Variants in RANBP2 observed in about 807,000 individuals in gnomAD.
The protein encoded by RANBP2 is E3 SUMO-protein ligase RanBP2.
RANBP2 carries 57 observed loss-of-function variants against 303.6 expected under a neutral mutation model. That is an observed-to-expected ratio of 0.19 (90% CI 0.15 to 0.23). The LOEUF (loss-of-function observed/expected upper bound fraction) is 0.23, where lower values mean the gene tolerates loss of function less well. Among genes scored for constraint, RANBP2 ranks in the 10% least tolerant of loss-of-function variants. The pLI is 1.00. For synonymous variants in RANBP2, 1,167 were observed against 1,301.5 expected (o/e 0.90, Z 2.23); for missense variants, 3,138 against 3,780.8 (o/e 0.83, Z 4.46).
At chr2:108,978,971 A>G in the RANBP2 span, among the ~76,000 whole-genome samples, 1 of 152,260 alleles carries the variant, frequency 6.6e-6, no homozygotes, top group Non-Finnish European at 1.5e-5. Context: ...GAAAGTTCTC[A>G]GCAGGGGCAG....
the RANBP2 span, among the ~76,000 whole-genome samples, chr2:109,664,460 C>G: frequency 6.6e-6 from 1 of 151,276 alleles, no homozygotes; most frequent in East Asian, 1.9e-4. Flanking sequence ...AAAAATTAGT[C>G]TGGCATTGTG....
the RANBP2 span, among the ~76,000 whole-genome samples, chr2:109,111,595 C>CT: frequency 3.6e-4 from 50 of 138,112 alleles, no homozygotes; most frequent in Middle Eastern, 3.8e-3. Context: ...TTTTTCTTTT[C>CT]TTTTTTTTTT....
chr2:108,873,463 C>G, the RANBP2 span: 57 of 1,597,556 alleles, frequency 3.6e-5, no homozygotes, highest in Non-Finnish European at 4.3e-5. Context: ...TCCTTGCAGC[C>G]TTTCCTGGAA....
the RANBP2 span, among the ~76,000 whole-genome samples, chr2:109,477,971 G>T: frequency 3.3e-5 from 5 of 152,148 alleles, no homozygotes; most frequent in Non-Finnish European, 5.9e-5. Flanking sequence ...GAGGGTTCCC[G>T]CAAGGGCCTC....
At chr2:108,806,040 C>G in the RANBP2 span, among the ~76,000 whole-genome samples, 3 of 152,150 alleles carry the variant, frequency 2.0e-5, no homozygotes, top group African/African-American at 7.2e-5. Context: ...CTGTCCTTTT[C>G]TGTTTCTGCT....
At chr2:108,899,473 C>T in the RANBP2 span, among the ~76,000 whole-genome samples, 1 of 152,116 alleles carries the variant, frequency 6.6e-6, no homozygotes, top group East Asian at 1.9e-4. Flanking sequence ...AAGAATGAAA[C>T]TTGAGACATC....
At chr2:109,137,670 A>G in the RANBP2 span, among the ~76,000 whole-genome samples, 1 of 152,228 alleles carries the variant, frequency 6.6e-6, no homozygotes, top group South Asian at 2.1e-4. Context: ...GATACTGGAG[A>G]GAAAGAGGAA....
chr2:108,930,134 C>T, the RANBP2 span: 1 of 1,613,886 alleles, frequency 6.2e-7, no homozygotes, highest in Non-Finnish European at 8.5e-7. Context: ...TAGGGCTCCT[C>T]TCCCGGCCCA....
Position 108,765,682 on chromosome 2 carries a change from A to G in RANBP2, c.5143A>G (p.Ser1715Gly). The G allele has an allele frequency of 6.2e-7, 1 of 1,611,374 alleles. No homozygotes were observed. Among genetic ancestry groups the G allele is most frequent in the Non-Finnish European group, 8.5e-7 (1 of 1,179,392 alleles). ...ASSETSKAPKSGFEGMFTKKE... is the reference protein window; with the variant it reads ...ASSETSKAPKGGFEGMFTKKE... ...TTCAGAGACAAGCAAGGCTCCAAAGAGCGGATTTGAGGGAATGTTCACTAA... is the reference window on the plus strand; with the variant it reads ...TTCAGAGACAAGCAAGGCTCCAAAGGGCGGATTTGAGGGAATGTTCACTAA... The change falls in exon 20 of 29, where the codon AGC (serine) becomes GGC (glycine). Residue 1715 changes from serine (S) to glycine (G), a missense_variant. Coordinates refer to ENST00000283195, the MANE Select transcript of RANBP2 (RefSeq NM_006267.5).
At chr2:108,846,183 A>G in the RANBP2 span, among the ~76,000 whole-genome samples, 1 of 152,176 alleles carries the variant, frequency 6.6e-6, no homozygotes, top group African/African-American at 2.4e-5. Context: ...GAGAGTAGGT[A>G]GTCCACCTCT....
At position 108,764,745 on chromosome 2, in the gene RANBP2, G is replaced by A. The variant is rs778322620; in HGVS notation, c.4206G>A (p.Glu1402=). Residue 1402 remains glutamate, a synonymous_variant, in exon 20 of 29, where the codon GAG becomes GAA. Coordinates refer to ENST00000283195, the MANE Select transcript of RANBP2 (RefSeq NM_006267.5). ...TTTTTACTCCTAAAACCAGCCCAGA[G>A]AATGTTCAAGATCGATTTGCATTGG... ...ETVFTPKTSP[E]NVQDRFALVT... is the part of the protein sequence containing the mutation. 70 of 1,613,930 alleles carry A rather than the reference G, an allele frequency of 4.3e-5. No individual in the cohort carries two copies. Among genetic ancestry groups the A allele is most frequent in the Non-Finnish European group, 5.7e-5 (67 of 1,179,988 alleles).
At chr2:109,576,286 A>G in the RANBP2 span, among the ~76,000 whole-genome samples, 1 of 151,934 alleles carries the variant, frequency 6.6e-6, no homozygotes, top group Non-Finnish European at 1.5e-5. Context: ...ATATATATAG[A>G]CAGGGTCTCG....
At chr2:109,207,283 T>C in the RANBP2 span, among the ~76,000 whole-genome samples, 12 of 152,056 alleles carry the variant, frequency 7.9e-5, no homozygotes, top group Non-Finnish European at 1.6e-4. Context: ...ATCATTAGAG[T>C]AAGCTGTGTG....
At chr2:109,213,112 G>A in the RANBP2 span, among the ~76,000 whole-genome samples, 1 of 152,188 alleles carries the variant, frequency 6.6e-6, no homozygotes, top group Admixed American at 6.5e-5. Context: ...ATCACTTTGG[G>A]TGCTCTGGGC....
chr2:109,288,644 A>C, the RANBP2 span, among the ~76,000 whole-genome samples: 1 of 152,200 alleles, frequency 6.6e-6, no homozygotes, highest in Non-Finnish European at 1.5e-5. Flanking sequence ...TCACCCAAGG[A>C]GACTGACTTC....
At chr2:109,282,499 G>A in the RANBP2 span, among the ~76,000 whole-genome samples, 3 of 152,174 alleles carry the variant, frequency 2.0e-5, no homozygotes, top group African/African-American at 7.2e-5. Context: ...CCAAGACGCC[G>A]GCCTGCCCTG....
the RANBP2 span, among the ~76,000 whole-genome samples, chr2:108,934,325 C>T: frequency 3.9e-5 from 6 of 152,042 alleles, no homozygotes; most frequent in South Asian, 4.1e-4. Flanking sequence ...GGCCACTGGG[C>T]GCTGGGGGGC....
chr2:108,821,936 A>AT, the RANBP2 span, among the ~76,000 whole-genome samples: 1 of 151,910 alleles, frequency 6.6e-6, no homozygotes, highest in African/African-American at 2.4e-5. Context: ...CTCAAAAAAA[A>AT]AAAAAAAAAG....
the RANBP2 span, among the ~76,000 whole-genome samples, chr2:109,119,764 C>T: frequency 6.6e-6 from 1 of 152,146 alleles, no homozygotes; most frequent in African/African-American, 2.4e-5. Flanking sequence ...GAGACAACTG[C>T]AGGATTATTT....
Sources: allele counts gnomAD v4.1 joint callset (sites outside exome capture counted in the v4.1 genomes callset), GRCh38; gene constraint gnomAD v4.1.1; transcripts MANE v1.5; gene names NCBI Gene and HGNC (gene_info 2026-07-23, HGNC 2026-07-21).